PCTP: variants seen among roughly 807,000 people sequenced by gnomAD.
PCTP encodes START domain-containing protein 2.
A neutral mutation model predicts 31.0 loss-of-function variants in PCTP; 27 were observed. The observed-to-expected ratio is 0.87, with a 90% CI of 0.64 to 1.20. The LOEUF is 1.20. PCTP is among the 50% of genes most tolerant of loss of function. The pLI, the probability that PCTP is intolerant of heterozygous loss-of-function variation, is 0.00. For missense variants in PCTP, 287 were observed against 268.2 expected, an observed-to-expected ratio of 1.07 and a Z score of -0.49; for synonymous variants, 108 against 101.2, an observed-to-expected ratio of 1.07 and a Z score of -0.40.
chr17:55,838,635 T>C (rs745543788), intron 5 of PCTP, among the ~76,000 whole-genome samples: 8 of 152,356 alleles, frequency 5.3e-5, no homozygotes, highest in Admixed American at 2.0e-4. Context: ...ATGATATTTA[T>C]TGAATGAAGA....
chr17:55,753,991 C>T (rs901624058), intron 1 of PCTP, among the ~76,000 whole-genome samples: 1 of 152,190 alleles, frequency 6.6e-6, no homozygotes, highest in Non-Finnish European at 1.5e-5. Flanking sequence ...GGAGAAAAAA[C>T]TCAAACTGTT....
intron 2 of PCTP, among the ~76,000 whole-genome samples, chr17:55,786,528 G>C (rs1911753765): frequency 6.6e-6 from 1 of 152,058 alleles, no homozygotes. Context: ...CTCACTTTAT[G>C]CTATGCTGAC....
chr17:55,835,758 G>A (rs1905757196), intron 5 of PCTP, among the ~76,000 whole-genome samples: 1 of 152,166 alleles, frequency 6.6e-6, no homozygotes, highest in Non-Finnish European at 1.5e-5. Context: ...GCTACCTGAA[G>A]TGCCAGGCTG....
intron 5 of PCTP, among the ~76,000 whole-genome samples, chr17:55,832,274 A>T: frequency 6.6e-6 from 1 of 152,310 alleles, no homozygotes; most frequent in South Asian, 2.1e-4. Flanking sequence ...TGTATTCCTT[A>T]GTACCTAGAA....
At chr17:55,830,003 C>A (rs898427073) in intron 5 of PCTP, among the ~76,000 whole-genome samples, 2 of 152,128 alleles carry the variant, frequency 1.3e-5, no homozygotes, top group South Asian at 2.1e-4. Context: ...TTTTATGACA[C>A]CAAATAGCGG....
downstream of PCTP, among the ~76,000 whole-genome samples, chr17:55,824,731 C>T (rs1020969804): frequency 9.9e-5 from 15 of 152,104 alleles, no homozygotes; most frequent in African/African-American, 3.6e-4. Flanking sequence ...AGGCTTTGGG[C>T]CCAGGAATGG....
At chr17:55,840,986 G>T (rs1464534807) in intron 5 of PCTP, among the ~76,000 whole-genome samples, 1 of 152,160 alleles carries the variant, frequency 6.6e-6, no homozygotes, top group African/African-American at 2.4e-5. Context: ...TATGTATAGG[G>T]TTTAACGCTA....
At chr17:55,821,492 A>G (rs1913115755) in intron 3 of PCTP, among the ~76,000 whole-genome samples, 1 of 152,226 alleles carries the variant, frequency 6.6e-6, no homozygotes, top group South Asian at 2.1e-4. Flanking sequence ...AATTGTACAC[A>G]TAAATTGGTT....
intron 1 of PCTP, among the ~76,000 whole-genome samples, chr17:55,763,987 A>T (rs1225918575): frequency 6.6e-6 from 1 of 152,160 alleles, no homozygotes; most frequent in South Asian, 2.1e-4. Flanking sequence ...CTCGAAGGGA[A>T]TGTTTAAAGG....
the PCTP span, among the ~76,000 whole-genome samples, chr17:55,849,048 A>G: frequency 6.6e-6 from 1 of 152,186 alleles, no homozygotes; most frequent in South Asian, 2.1e-4. Context: ...CTATCATCAA[A>G]AAATAATTCA....
At chr17:55,776,004 CAT>C (rs779798745) in intron 5 of PCTP, 29 bp from the exon 6 acceptor site, 1 of 1,612,922 alleles carries the variant, frequency 6.2e-7, no homozygotes, top group Non-Finnish European at 8.5e-7. Flanking sequence ...ACTGTGAAGA[CAT>C]AGAAATGACA....
chr17:55,807,007 T>G (rs1912599832), intron 3 of PCTP, among the ~76,000 whole-genome samples: 2 of 152,106 alleles, frequency 1.3e-5, no homozygotes, highest in Non-Finnish European at 2.9e-5. Context: ...AAAATGAAAC[T>G]TATATAGATG....
chr17:55,849,517 G>A, the PCTP span, among the ~76,000 whole-genome samples: 1 of 152,158 alleles, frequency 6.6e-6, no homozygotes, highest in Non-Finnish European at 1.5e-5. Context: ...CAGCTACTCA[G>A]GAGGCTGAGG....
Position 55,776,268 on chromosome 17 carries a change from TACCACATCC to T in PCTP, c.*169_*177del. On this transcript the variant is annotated 3_prime_UTR_variant, in exon 6 of 6. Transcript: ENST00000268896. ...TTTCTGTCTTCAGAGGCCTACACAC[TACCACATCC>T]TTTCTAAGCATGTTTGCCTGACATC... The T allele has an allele frequency of 2.9e-6, 4 of 1,390,864 alleles. No homozygotes were observed. Among genetic ancestry groups the T allele is most frequent in the South Asian group, 1.8e-5 (1 of 56,830 alleles). 86.2% of individuals were successfully genotyped at this position (1,390,864 alleles called of 1,614,324 possible). A position where few individuals can be genotyped will look rare whatever the true frequency, so the allele number is the denominator to read the frequency against.
At chr17:55,836,944 A>G (rs1905796887) in intron 5 of PCTP, among the ~76,000 whole-genome samples, 1 of 152,202 alleles carries the variant, frequency 6.6e-6, no homozygotes, top group Non-Finnish European at 1.5e-5. Flanking sequence ...TCGATGGTGG[A>G]GCAGGGAATA....
chr17:55,847,339 A>T (rs1421645958), downstream of PCTP, among the ~76,000 whole-genome samples: 1 of 152,130 alleles, frequency 6.6e-6, no homozygotes, highest in Admixed American at 6.5e-5. Flanking sequence ...GCCCTACCCA[A>T]ATTTCATCTT....
At chr17:55,784,828 C>A (rs1051383814) in intron 2 of PCTP, among the ~76,000 whole-genome samples, 1 of 152,246 alleles carries the variant, frequency 6.6e-6, no homozygotes, top group Non-Finnish European at 1.5e-5. Context: ...ATATTACTTA[C>A]GATCTGGCCC....
intron 1 of PCTP, among the ~76,000 whole-genome samples, chr17:55,755,727 C>T (rs1909980165): frequency 6.6e-6 from 1 of 152,086 alleles, no homozygotes; most frequent in East Asian, 1.9e-4. Flanking sequence ...TATTTCCTTC[C>T]TCTCTTATTT....
At chr17:55,786,197 A>G (rs1911738714) in intron 2 of PCTP, among the ~76,000 whole-genome samples, 1 of 152,100 alleles carries the variant, frequency 6.6e-6, no homozygotes, top group Non-Finnish European at 1.5e-5. Flanking sequence ...GCACGAAAAT[A>G]ACTTGAACCC....
Sources: allele counts gnomAD v4.1 joint callset (sites outside exome capture counted in the v4.1 genomes callset), GRCh38; gene constraint gnomAD v4.1.1; transcripts MANE v1.5; gene names NCBI Gene and HGNC (gene_info 2026-07-23, HGNC 2026-07-21).